Variants in PTBP3 observed in about 807,000 individuals in gnomAD.
PTBP3 encodes polypyrimidine tract-binding protein 3.
PTBP3 carries 20 observed loss-of-function variants against 58.7 expected under a neutral mutation model. That is an observed-to-expected ratio of 0.34 (90% CI 0.24 to 0.50). The LOEUF (loss-of-function observed/expected upper bound fraction) is 0.50, where lower values mean the gene tolerates loss of function less well. Ranked by LOEUF, PTBP3 falls within the 20% of genes least tolerant of loss-of-function variation. The pLI is 0.98. For synonymous variants in PTBP3, 185 were observed against 219.8 expected, an observed-to-expected ratio of 0.84 and a Z score of 1.40; for missense variants, 509 against 637.2, an observed-to-expected ratio of 0.80 and a Z score of 2.17.
At position 112,320,314 on chromosome 9, in the gene PTBP3, A is replaced by ATATATATATATATTTTTT; in HGVS notation, c.-52+13155_-52+13156insAAAAAATATATATATATA. Reference sequence around the variant, plus strand: ...AAAATATATATATATATATATATATATTTTTTTTTAAGTGTTATCACCAGA... The same window carrying ATATATATATATATTTTTT: ...AAAATATATATATATATATATATATATATATATATATATTTTTTTTTTTTTTTAAGTGTTATCACCAGA... On this transcript the variant is annotated intron_variant, in intron 1 of 13. Transcript: ENST00000374257. Among the ~76,000 whole-genome samples the ATATATATATATATTTTTT allele has an allele frequency of 9.8e-3, 740 of 75,452 alleles. 7 individuals carry two copies. Among genetic ancestry groups the ATATATATATATATTTTTT allele is most frequent in the Non-Finnish European group, 0.011 (468 of 43,444 alleles). The allele number at this position is 75,452 out of a possible 152,430, so 49.5% of individuals were successfully genotyped here.
chr9:112,343,302 G>A, the PTBP3 span, among the ~76,000 whole-genome samples: 1 of 150,760 alleles, frequency 6.6e-6, no homozygotes, highest in African/African-American at 2.4e-5. Flanking sequence ...TCTGCCTCCC[G>A]GGTTCAAGTG....
rs1554805700 is a variant in PTBP3 at position 112,320,289 on chromosome 9, A to ATATATAT, written c.-52+13180_-52+13181insATATATA. ...CGAGACCCTTTCTCTTAAAAAAAAA[A>ATATATAT]AAATATATATATATATATATATATA... On this transcript the variant is annotated intron_variant, in intron 1 of 13. Transcript: ENST00000374257. Among the ~76,000 whole-genome samples the ATATATAT allele has an allele frequency of 7.7e-5, 3 of 39,106 alleles. No homozygotes were observed. In the African/African-American group the frequency reaches 7.8e-4, roughly 10 times the overall value. 25.7% of individuals were successfully genotyped at this position (39,106 alleles called of 152,430 possible). A position where few individuals can be genotyped will look rare whatever the true frequency, so the allele number is the denominator to read the frequency against.
chr9:112,343,557 A>G, the PTBP3 span, among the ~76,000 whole-genome samples: 97 of 152,270 alleles, frequency 6.4e-4, 1 homozygote, highest in African/African-American at 2.2e-3. Context: ...TGGGAGGCCG[A>G]GGTGGGCAGA....
Position 112,223,764 on chromosome 9 carries a change from C to T in PTBP3, c.*87G>A. On this transcript the variant is annotated 3_prime_UTR_variant, in exon 14 of 14. Coordinates refer to ENST00000374257, the MANE Select transcript of PTBP3 (RefSeq NM_001163788.4). ...CTCAGAGTTATTTTTGTGAAAGAGG[C>T]AAAATTGGTCTTGAGCTGCTTCAGT... 2 of 1,546,394 alleles carry T rather than the reference C, an allele frequency of 1.3e-6. No individual in the cohort carries two copies. The highest frequency in any genetic ancestry group is 1.2e-5 in the South Asian group (1 of 81,694).
chr9:112,240,648 G>GT (rs35228236), intron 7 of PTBP3, among the ~76,000 whole-genome samples: 81,888 of 147,276 alleles, frequency 0.56, 24,291 homozygotes, highest in African/African-American at 0.79. Context: ...ACTCCTACTT[G>GT]TTTTTTTTTT....
At position 112,219,395 on chromosome 9, in the gene PTBP3, T is replaced by C. The variant is rs968211449; in HGVS notation, c.*4456A>G. ...ACATAGATCCAAGAAGTGAAAATAA[T>C]ACAACAACAAATCAGTTGACAATGC... On this transcript the variant is annotated 3_prime_UTR_variant, in exon 14 of 14. Transcript: ENST00000374257. 6.6e-6 allele frequency: 1 copy of C among 152,292 alleles called. No individual in the cohort carries two copies. Among genetic ancestry groups the C allele is most frequent in the Non-Finnish European group, 1.5e-5 (1 of 68,024 alleles). 9.4% of individuals were successfully genotyped at this position (152,292 alleles called of 1,614,324 possible).
the PTBP3 span, among the ~76,000 whole-genome samples, chr9:112,339,548 A>AT: frequency 1.4e-5 from 2 of 143,708 alleles, no homozygotes; most frequent in Non-Finnish European, 3.1e-5. Flanking sequence ...TGCCATTTTT[A>AT]TTTTTTTTCT....
chr9:112,253,173 C>T (rs1184688857), intron 5 of PTBP3, among the ~76,000 whole-genome samples: 1 of 152,138 alleles, frequency 6.6e-6, no homozygotes, highest in African/African-American at 2.4e-5. Flanking sequence ...AGAAGATGTT[C>T]AACTAGAGGC....
In PTBP3 at chr9:112,330,484, A is replaced by G. The variant is rs752538538; in HGVS notation, c.-52+2986T>C. ...AAGATCTGTAACAACACTGTATGGA[A>G]AAAGTAAAAAGAGAAAATGGAAAAC... On this transcript the variant is annotated intron_variant, in intron 1 of 13. Coordinates refer to ENST00000374257, the MANE Select transcript of PTBP3 (RefSeq NM_001163788.4). The G allele has an allele frequency of 4.0e-6, 6 of 1,516,134 alleles. No homozygotes were observed. The Admixed American group carries it at 1.2e-4, about 30-fold the overall frequency. The allele number at this position is 1,516,134 out of a possible 1,614,324, so 93.9% of individuals were successfully genotyped here. A position where few individuals can be genotyped will look rare whatever the true frequency, so the allele number is the denominator to read the frequency against.
At chr9:112,302,549 C>CT (rs2132336618) in intron 1 of PTBP3, among the ~76,000 whole-genome samples, 1 of 147,378 alleles carries the variant, frequency 6.8e-6, no homozygotes, top group African/African-American at 2.5e-5. Context: ...CAGACAAGGG[C>CT]TAAGAATCCC....
the PTBP3 span, among the ~76,000 whole-genome samples, chr9:112,374,799 C>A: frequency 6.6e-6 from 1 of 152,230 alleles, no homozygotes; most frequent in Non-Finnish European, 1.5e-5. Flanking sequence ...GATAGGCAAA[C>A]CCATATCCAG....
At chr9:112,366,519 TG>T in the PTBP3 span, among the ~76,000 whole-genome samples, 1 of 152,150 alleles carries the variant, frequency 6.6e-6, no homozygotes, top group African/African-American at 2.4e-5. Flanking sequence ...GCTTGGGCCA[TG>T]GCTTCCGAGG....
At chr9:112,275,068 C>A (rs1827550089) in intron 3 of PTBP3, among the ~76,000 whole-genome samples, 1 of 152,044 alleles carries the variant, frequency 6.6e-6, no homozygotes, top group South Asian at 2.1e-4. Context: ...GTTCTAGAAT[C>A]ACAAATAGAA....
intron 5 of PTBP3, among the ~76,000 whole-genome samples, chr9:112,261,856 G>A (rs1300664119): frequency 6.6e-6 from 1 of 152,094 alleles, no homozygotes; most frequent in Non-Finnish European, 1.5e-5. Flanking sequence ...AATTATTTGG[G>A]TTTTGGATTT....
chr9:112,231,948 AGAAGAGAAGAGAAGAGAAG>A (rs1835223582), intron 9 of PTBP3, 132 bp downstream of exon 9: 2 of 425,150 alleles, frequency 4.7e-6, no homozygotes, highest in South Asian at 3.7e-5. Flanking sequence ...AGAAGAGAAG[AGAAGAGAAGAGAAGAGAAG>A]AGAGAAGAGA....
intron 2 of PTBP3, among the ~76,000 whole-genome samples, chr9:112,291,524 G>C (rs927293536): frequency 5.3e-5 from 8 of 152,122 alleles, no homozygotes; most frequent in African/African-American, 1.9e-4. Flanking sequence ...CAAACATATA[G>C]ACCAATGGAA....
the PTBP3 span, among the ~76,000 whole-genome samples, chr9:112,367,798 T>C: frequency 1.3e-5 from 2 of 151,932 alleles, no homozygotes; most frequent in Admixed American, 1.3e-4. Flanking sequence ...CTATTTGGGA[T>C]TCTTTGGGTT....
At chr9:112,266,828 C>A (rs1836819542) in intron 4 of PTBP3, among the ~76,000 whole-genome samples, 1 of 152,128 alleles carries the variant, frequency 6.6e-6, no homozygotes, top group African/African-American at 2.4e-5. Flanking sequence ...GTTCTTTTCT[C>A]TTTTACTTTT....
chr9:112,235,405 C>T (rs1835401637), intron 7 of PTBP3, among the ~76,000 whole-genome samples: 1 of 152,254 alleles, frequency 6.6e-6, no homozygotes, highest in African/African-American at 2.4e-5. Context: ...GAGAAGTTTT[C>T]ACTGGAGGTA....
Sources: allele counts gnomAD v4.1 joint callset (sites outside exome capture counted in the v4.1 genomes callset), GRCh38; gene constraint gnomAD v4.1.1; transcripts MANE v1.5; gene names NCBI Gene and HGNC (gene_info 2026-07-23, HGNC 2026-07-21).